SMPDL3B: variants seen among roughly 807,000 people sequenced by gnomAD.
The protein encoded by SMPDL3B is sphingomyelin phosphodiesterase acid like 3B, also known as acid sphingomyelinase-like phosphodiesterase 3b.
A neutral mutation model predicts 37.9 loss-of-function variants in SMPDL3B; 31 were observed. The observed-to-expected ratio is 0.82, with a 90% CI of 0.61 to 1.10. The LOEUF (loss-of-function observed/expected upper bound fraction) is 1.10. SMPDL3B is among the 50% of genes least tolerant of loss of function. The pLI, the probability that SMPDL3B is intolerant of heterozygous loss-of-function variation, is 0.00. For missense variants in SMPDL3B, 525 were observed against 597.8 expected, an observed-to-expected ratio of 0.88 and a Z score of 1.27; for synonymous variants, 235 against 242.6, an observed-to-expected ratio of 0.97 and a Z score of 0.29.
Position 27,959,078 on chromosome 1 carries a change from C to A in SMPDL3B, c.*240C>A. 1.9e-6 allele frequency: 1 copy of A among 532,848 alleles called. No individual in the cohort carries two copies. The highest frequency in any genetic ancestry group is 3.4e-6 in the Non-Finnish European group (1 of 297,908). 33.0% of individuals were successfully genotyped at this position (532,848 alleles called of 1,614,324 possible). A position where few individuals can be genotyped will look rare whatever the true frequency, so the allele number is the denominator to read the frequency against. On this transcript the variant is annotated 3_prime_UTR_variant, in exon 8 of 8. Coordinates refer to ENST00000373894, the MANE Select transcript of SMPDL3B (RefSeq NM_014474.4). ...CCAGAAACAGAAAAGAAATGACGACCCAAGACCCCCCTACAAGCATACTTC... is the reference window on the plus strand; with the variant it reads ...CCAGAAACAGAAAAGAAATGACGACACAAGACCCCCCTACAAGCATACTTC...
chr1:27,938,592 G>T (rs1201826675), intron 1 of SMPDL3B, among the ~76,000 whole-genome samples: 3 of 152,210 alleles, frequency 2.0e-5, no homozygotes, highest in Admixed American at 2.0e-4. Flanking sequence ...GTAAAATGTT[G>T]TAAAAGTTTA....
At chr1:27,954,890 G>A (rs1216725168) in intron 5 of SMPDL3B, among the ~76,000 whole-genome samples, 3 of 152,220 alleles carry the variant, frequency 2.0e-5, no homozygotes, top group Non-Finnish European at 2.9e-5. Context: ...GCCCTTGAGT[G>A]TGTCCAGCTA....
At chr1:27,943,600 A>G (rs970279971) in intron 1 of SMPDL3B, among the ~76,000 whole-genome samples, 6 of 152,150 alleles carry the variant, frequency 3.9e-5, no homozygotes, top group Admixed American at 3.3e-4. Context: ...AGTGATTGCA[A>G]TAGCAGAGGG....
chr1:27,948,892 C>T (rs2090432029), intron 2 of SMPDL3B, 173 bp from the exon 3 acceptor site: 1 of 1,271,932 alleles, frequency 7.9e-7, no homozygotes, highest in South Asian at 1.3e-5. Flanking sequence ...AATGGCAAAG[C>T]CTAGTTCTCA....
Position 27,935,238 on chromosome 1 carries a change from G to C in SMPDL3B, c.55G>C (p.Glu19Gln). The change falls in exon 1 of 8, where the codon GAA (glutamate) becomes CAA (glutamine). Residue 19 changes from glutamate (E) to glutamine (Q), a missense_variant. Physicochemically the swap from Glu to Gln is conservative, Grantham distance 29 (BLOSUM62 2). Coordinates refer to ENST00000373894, the MANE Select transcript of SMPDL3B (RefSeq NM_014474.4). ...GGCTAACTGGGGAGGTGCCAGGGCTGAACCAGGTACAGCACTGGGAATGTC... is the reference window on the plus strand; with the variant it reads ...GGCTAACTGGGGAGGTGCCAGGGCTCAACCAGGTACAGCACTGGGAATGTC... ...FLANWGGARAEPGKFWHIADL... is the reference protein window; with the variant it reads ...FLANWGGARAQPGKFWHIADL... 6.2e-7 allele frequency: 1 copy of C among 1,612,522 alleles called. No homozygotes were observed. Among genetic ancestry groups the C allele is most frequent in the Non-Finnish European group, 8.5e-7 (1 of 1,178,530 alleles).
intron 1 of SMPDL3B, among the ~76,000 whole-genome samples, chr1:27,943,875 G>A (rs1177273015): frequency 1.4e-4 from 21 of 151,850 alleles, no homozygotes; most frequent in South Asian, 2.1e-4. Context: ...TTAGCTGGGC[G>A]TGGTGGCGCA....
chr1:27,944,472 A>C (rs1053337433), intron 1 of SMPDL3B, among the ~76,000 whole-genome samples: 2 of 151,984 alleles, frequency 1.3e-5, no homozygotes, highest in African/African-American at 4.8e-5. Context: ...CTCTCACCTT[A>C]GCCTCCTGAG....
chr1:27,945,347 G>C lies in SMPDL3B; in HGVS notation c.177G>C (p.Trp59Cys). Residue 59 changes from tryptophan to cysteine, a missense_variant, in exon 2 of 8, where the codon TGG (tryptophan) becomes TGC (cysteine). Coordinates refer to ENST00000373894, the MANE Select transcript of SMPDL3B (RefSeq NM_014474.4). The surrounding 1 kb of genome is among the most constrained non-coding windows in gnomAD (Gnocchi z 4.0). The stretch of plus-strand genomic sequence containing the variant: ...AGCCAGTGCCCGACGCAGGCCCCTG[G>C]GGTGACTACCTCTGTGATTCTCCCT... Reference protein sequence around the residue: ...GSQPVPDAGPWGDYLCDSPWA... With the variant: ...GSQPVPDAGPCGDYLCDSPWA... 1 of 1,614,126 alleles carries C rather than the reference G, an allele frequency of 6.2e-7. No homozygotes were observed. Among genetic ancestry groups the C allele is most frequent in the Non-Finnish European group, 8.5e-7 (1 of 1,180,024 alleles).
In SMPDL3B at chr1:27,958,454, C is replaced by A; in HGVS notation, c.1006-22C>A. ...AAGCAGACAACTGCTCACAGCCGGT[C>A]TACCCCAAACCCTTTTTCCAGGACA... On this transcript the variant is annotated intron_variant, in intron 7 of 7. Coordinates refer to ENST00000373894, the MANE Select transcript of SMPDL3B (RefSeq NM_014474.4). This position sits in a 1 kb window ranked among gnomAD's most constrained non-coding sequence, Gnocchi z 5.6. 1 of 1,579,874 alleles carries A rather than the reference C, an allele frequency of 6.3e-7. No individual in the cohort carries two copies. The highest frequency in any genetic ancestry group is 1.1e-5 in the South Asian group (1 of 87,630).
intron 1 of SMPDL3B, 76 bp downstream of exon 1, chr1:27,935,320 C>A: frequency 8.7e-7 from 1 of 1,155,290 alleles, no homozygotes; most frequent in Non-Finnish European, 1.3e-6. Context: ...TGCTCGCAGC[C>A]AGCTTGAAGG....
chr1:27,939,005 T>C (rs539169672), intron 1 of SMPDL3B: 2 of 152,340 alleles, frequency 1.3e-5, no homozygotes, highest in African/African-American at 4.8e-5. Flanking sequence ...TGGCAGAATA[T>C]AGTGCACTGT....
At chr1:27,944,808 A>G (rs1057182966) in intron 1 of SMPDL3B, among the ~76,000 whole-genome samples, 1 of 151,178 alleles carries the variant, frequency 6.6e-6, no homozygotes. Flanking sequence ...TCCCTGCAGC[A>G]TGAGAGGATA....
Position 27,945,094 on chromosome 1 carries a change from T to C in SMPDL3B, c.62-138T>C. 3 of 737,844 alleles carry C rather than the reference T, an allele frequency of 4.1e-6. No individual in the cohort carries two copies. Among genetic ancestry groups the C allele is most frequent in the Non-Finnish European group, 6.9e-6 (3 of 437,360 alleles). 45.7% of individuals were successfully genotyped at this position (737,844 alleles called of 1,614,324 possible). A position where few individuals can be genotyped will look rare whatever the true frequency, so the allele number is the denominator to read the frequency against. On this transcript the variant is annotated intron_variant, in intron 1 of 7. Transcript: ENST00000373894. This position sits in a 1 kb window ranked among gnomAD's most constrained non-coding sequence, Gnocchi z 4.0. The stretch of plus-strand genomic sequence containing the variant: ...CAGAGCCAGGCCTGTGGGCCTTTTC[T>C]CTGAACCCGGGGTGCTCAGAGAAGA...
At chr1:27,947,266 C>T (rs1169046370) in intron 2 of SMPDL3B, among the ~76,000 whole-genome samples, 2 of 152,020 alleles carry the variant, frequency 1.3e-5, no homozygotes, top group Non-Finnish European at 2.9e-5. Context: ...AAACTCCCGA[C>T]CTCAGGTGAT....
intron 4 of SMPDL3B, 27 bp downstream of exon 4, chr1:27,953,385 G>A (rs1178499613): frequency 1.9e-6 from 3 of 1,588,146 alleles, no homozygotes; most frequent in African/African-American, 1.4e-5. Flanking sequence ...CTCCTATCAA[G>A]AGCACTTACT....
rs543579652 is a variant in SMPDL3B, at chr1:27,948,400, C to T, written c.276-665C>T. Among the ~76,000 whole-genome samples, 80 of 152,150 alleles carry T rather than the reference C, an allele frequency of 5.3e-4. 2 individuals are homozygous for T. The highest frequency in any genetic ancestry group is 1.6e-3 in the African/African-American group (67 of 41,516). ...GGGAATACCTGGGCAGCAGAGGCCC[C>T]AGGATTTTGACTGTCCGGACGTCTC... is the stretch of plus-strand genomic sequence containing the variant. On this transcript the variant is annotated intron_variant, in intron 2 of 7. Transcript: ENST00000373894.
At chr1:27,935,272 C>T (rs757700882) in intron 1 of SMPDL3B, 28 bp downstream of exon 1, 5 of 1,573,172 alleles carry the variant, frequency 3.2e-6, no homozygotes, top group Non-Finnish European at 4.4e-6. Context: ...TCTGCTATGC[C>T]TTTGTTTTGT....
Position 27,945,149 on chromosome 1 carries a change from C to A in SMPDL3B, c.62-83C>A. 1 of 1,384,022 alleles carries A rather than the reference C, an allele frequency of 7.2e-7. No homozygotes were observed. Among genetic ancestry groups the A allele is most frequent in the Non-Finnish European group, 1.0e-6 (1 of 979,860 alleles). 85.7% of individuals were successfully genotyped at this position (1,384,022 alleles called of 1,614,324 possible). The stretch of plus-strand genomic sequence containing the variant: ...CATTTGCCTGTGTAACGCCCCTGCC[C>A]CAGCCCAGGGCTCCCCTGGACTTCC... On this transcript the variant is annotated intron_variant, in intron 1 of 7. Coordinates refer to ENST00000373894, the MANE Select transcript of SMPDL3B (RefSeq NM_014474.4). This position sits in a 1 kb window ranked among gnomAD's most constrained non-coding sequence, Gnocchi z 4.0.
At chr1:27,936,222 A>C (rs1279730471) in intron 1 of SMPDL3B, among the ~76,000 whole-genome samples, 2 of 151,464 alleles carry the variant, frequency 1.3e-5, no homozygotes, top group African/African-American at 2.4e-5. Context: ...GAGGCTGAGG[A>C]GGGTGGATTG....
Sources: gnomAD v4.1 joint callset for allele counts (sites outside exome capture counted in the v4.1 genomes callset) on GRCh38, gnomAD v4.1.1 for gene constraint, Gnocchi (gnomAD v3.1) non-coding constraint, MANE v1.5 for transcripts, NCBI Gene and HGNC (gene_info 2026-07-23, HGNC 2026-07-21) for gene names.